The following TCERG1 variants were observed in gnomAD, a reference collection of about 807,000 sequenced individuals.
TCERG1 encodes TATA box binding protein (TBP)-associated factor, RNA polymerase II, S, 150kD.
A neutral mutation model predicts 144.7 loss-of-function variants in TCERG1; 37 were observed. The ratio of observed to expected loss-of-function variants is 0.26; its 90% CI spans 0.20 to 0.34. The LOEUF (loss-of-function observed/expected upper bound fraction) is 0.34, where lower values mean the gene tolerates loss of function less well. Ranked by LOEUF, TCERG1 falls within the 10% of genes least tolerant of loss-of-function variation. The pLI, the probability that TCERG1 is intolerant of heterozygous loss-of-function variation, is 1.00. For synonymous variants in TCERG1, 492 were observed against 458.2 expected (o/e 1.07, Z -0.94); for missense variants, 1,027 against 1,380.7 (o/e 0.74, Z 4.06).
At chr5:146,492,380 GAC>G (rs1766512317) in intron 15 of TCERG1, among the ~76,000 whole-genome samples, 1 of 152,068 alleles carries the variant, frequency 6.6e-6, no homozygotes, top group African/African-American at 2.4e-5. Flanking sequence ...GTTGGGTTAT[GAC>G]TTAAAAAAGA....
Position 146,507,458 on chromosome 5 carries a change from C to G in TCERG1, c.2961+251C>G. On this transcript the variant is annotated intron_variant, in intron 20 of 22. Transcript: ENST00000679501. The surrounding 1 kb of genome is among the most constrained non-coding windows in gnomAD (Gnocchi z 4.6). ...TGTCCTTAGCCATGTGGTCAGTGAT[C>G]CCTCCTAATAATAGATTTAGCAAAT... 1 of 400,308 alleles carries G rather than the reference C, an allele frequency of 2.5e-6. No individual in the cohort carries two copies. Among genetic ancestry groups the G allele is most frequent in the Non-Finnish European group, 4.4e-6 (1 of 229,142 alleles). The allele number at this position is 400,308 out of a possible 1,614,324, so 24.8% of individuals were successfully genotyped here.
At chr5:146,472,701 T>TTGTGTGTGTGTGTGTGTG (rs59508893) in intron 9 of TCERG1, among the ~76,000 whole-genome samples, 3,659 of 145,944 alleles carry the variant, frequency 0.025, 61 homozygotes, top group South Asian at 0.044. Context: ...ACCTCTCACT[T>TTGTGTGTGTGTGTGTGTG]TGTGTGTGTG....
At chr5:146,451,818 C>T (rs1030001027) in intron 1 of TCERG1, among the ~76,000 whole-genome samples, 6 of 148,504 alleles carry the variant, frequency 4.0e-5, no homozygotes, top group African/African-American at 7.5e-5. Flanking sequence ...ACTTGAGTCT[C>T]GCTCTCTTGC....
intron 4 of TCERG1, among the ~76,000 whole-genome samples, chr5:146,460,425 G>T (rs1255522175): frequency 1.1e-5 from 1 of 91,488 alleles, no homozygotes; most frequent in Admixed American, 1.2e-4. Flanking sequence ...CTTAAATAAT[G>T]ATTTTTTTAT....
At chr5:146,485,800 TC>T (rs1765769750) in intron 15 of TCERG1, among the ~76,000 whole-genome samples, 1 of 152,274 alleles carries the variant, frequency 6.6e-6, no homozygotes, top group South Asian at 2.1e-4. Flanking sequence ...GTTCAAGTGA[TC>T]CTCCCACCTT....
chr5:146,504,648 C>G (rs1356910372), intron 19 of TCERG1, among the ~76,000 whole-genome samples: 1 of 152,196 alleles, frequency 6.6e-6, no homozygotes, highest in Non-Finnish European at 1.5e-5. Flanking sequence ...CTTGTCACTT[C>G]TGATTTCTTC....
At chr5:146,482,274 T>A in intron 13 of TCERG1, 1 of 169,344 alleles carries the variant, frequency 5.9e-6, no homozygotes, top group Non-Finnish European at 1.2e-5. Context: ...TTTACTGCAG[T>A]GTTAAACTTT....
chr5:146,458,861 A>ATTGAT, intron 3 of TCERG1, 23 bp from the exon 4 acceptor site: 2 of 1,579,710 alleles, frequency 1.3e-6, no homozygotes, highest in South Asian at 1.2e-5. Flanking sequence ...TTATGATACC[A>ATTGAT]TTGATTTTTG....
chr5:146,480,277 T>C, intron 12 of TCERG1, 183 bp downstream of exon 12: 1 of 433,022 alleles, frequency 2.3e-6, no homozygotes, highest in South Asian at 4.2e-5. Flanking sequence ...TTTTGCTAGA[T>C]TTGTAGAAGA....
chr5:146,506,926 C>A, intron 19 of TCERG1, 102 bp from the exon 20 acceptor site: 1 of 968,534 alleles, frequency 1.0e-6, no homozygotes, highest in Non-Finnish European at 1.5e-6. Flanking sequence ...AGGTTGATTC[C>A]ATATCTTGGC....
chr5:146,503,493 C>T lies in TCERG1; in HGVS notation c.2552C>T (p.Ser851Leu). ...CGTTACAAAGCAGTAGATAGTTCAT[C>T]AATGAGAGAAGACCTTTTCAAACAG... ...DPRYKAVDSS[S>L]MREDLFKQYI... is the part of the protein sequence containing the mutation. The change falls in exon 18 of 23, where the codon TCA becomes TTA. Residue 851 changes from serine to leucine, a missense_variant. Physicochemically the swap from Ser to Leu is moderately radical, Grantham distance 145 (BLOSUM62 -2). This residue lies in a region of TCERG1 where 482 missense variants were observed against 632.6 expected (regional missense o/e 0.76). Coordinates refer to ENST00000679501, the MANE Select transcript of TCERG1 (RefSeq NM_001382548.1). The T allele has an allele frequency of 1.2e-6, 2 of 1,613,762 alleles. No individual in the cohort carries two copies. Among genetic ancestry groups the T allele is most frequent in the Non-Finnish European group, 1.7e-6 (2 of 1,179,832 alleles).
In TCERG1 at chr5:146,459,324, G is replaced by T. The variant is rs371433599; in HGVS notation, c.879G>T (p.Ala293=). 2 of 1,613,996 alleles carry T rather than the reference G, an allele frequency of 1.2e-6. No individual in the cohort carries two copies. Among genetic ancestry groups the T allele is most frequent in the East Asian group, 2.2e-5 (1 of 44,892 alleles). The change falls in exon 4 of 23, where the codon GCG becomes GCT. Residue 293 remains alanine (A), a synonymous_variant. Transcript: ENST00000679501. ...TSTTTTATSV[A]QTVSTPTTQD... The stretch of plus-strand genomic sequence containing the variant: ...CCACAACAACTGCTACTTCAGTTGC[G>T]CAGACAGTATCAAGTGAGTACCACT...
At chr5:146,486,980 GTTA>G (rs1268334569) in intron 15 of TCERG1, among the ~76,000 whole-genome samples, 1 of 152,046 alleles carries the variant, frequency 6.6e-6, no homozygotes, top group Non-Finnish European at 1.5e-5. Flanking sequence ...ATCCCAGCTA[GTTA>G]GGTGGCTGAG....
At chr5:146,448,961 C>T (rs1762130886) in intron 1 of TCERG1, among the ~76,000 whole-genome samples, 1 of 152,166 alleles carries the variant, frequency 6.6e-6, no homozygotes. Context: ...AGTCTAGACA[C>T]TGTTGCACAA....
intron 9 of TCERG1, among the ~76,000 whole-genome samples, chr5:146,475,901 G>A (rs1764801341): frequency 6.6e-6 from 1 of 152,104 alleles, no homozygotes; most frequent in Non-Finnish European, 1.5e-5. Context: ...ATTATTCATA[G>A]GTTTAAATAT....
At chr5:146,479,627 T>C (rs1765163773) in intron 10 of TCERG1, among the ~76,000 whole-genome samples, 1 of 152,190 alleles carries the variant, frequency 6.6e-6, no homozygotes, top group Non-Finnish European at 1.5e-5. Context: ...AGCTTTATTT[T>C]ATATATTTGT....
intron 15 of TCERG1, among the ~76,000 whole-genome samples, chr5:146,484,675 G>A (rs1343006375): frequency 6.6e-6 from 1 of 152,122 alleles, no homozygotes; most frequent in African/African-American, 2.4e-5. Context: ...CAAACTCTGT[G>A]TGAGTTTTTT....
chr5:146,451,843 G>A (rs1432746919), intron 1 of TCERG1, among the ~76,000 whole-genome samples: 9 of 150,224 alleles, frequency 6.0e-5, no homozygotes, highest in African/African-American at 1.7e-4. Context: ...GCTGGAATGC[G>A]GTGGTGCAAT....
rs1455415252 is a variant in TCERG1, at chr5:146,510,829, A to C, written c.*187A>C. 2.0e-6 allele frequency: 1 copy of C among 499,648 alleles called. No homozygotes were observed. The highest frequency in any genetic ancestry group is 3.6e-5 in the Admixed American group (1 of 27,832). The allele number at this position is 499,648 out of a possible 1,614,324, so 31.0% of individuals were successfully genotyped here. A position where few individuals can be genotyped will look rare whatever the true frequency, so the allele number is the denominator to read the frequency against. On this transcript the variant is annotated 3_prime_UTR_variant, in exon 23 of 23. Coordinates refer to ENST00000679501, the MANE Select transcript of TCERG1 (RefSeq NM_001382548.1). The stretch of plus-strand genomic sequence containing the variant: ...TTTATGCTTTTCTTTGTGTGGCATG[A>C]CTGACATACATACTCAAATATAGGC...
Sources: allele counts gnomAD v4.1 joint callset (sites outside exome capture counted in the v4.1 genomes callset), GRCh38; gene constraint gnomAD v4.1.1; regional missense constraint gnomAD v4.1.1; non-coding constraint Gnocchi (gnomAD v3.1); transcripts MANE v1.5; gene names NCBI Gene and HGNC (gene_info 2026-07-23, HGNC 2026-07-21).